The following TMEM230 variants were observed in gnomAD, a reference collection of about 807,000 sequenced individuals.
TMEM230 encodes transmembrane protein 230, also known as UPF0414 transmembrane protein C20orf30.
A neutral mutation model predicts 15.8 loss-of-function variants in TMEM230; 10 were observed. That is an observed-to-expected ratio of 0.63 (90% confidence interval 0.39 to 1.07). The LOEUF is 1.07. Ranked by LOEUF, TMEM230 falls within the 50% of genes least tolerant of loss-of-function variation. TMEM230 has a pLI of 0.01. For synonymous variants in TMEM230, 67 were observed against 76.9 expected, an observed-to-expected ratio of 0.87 and a Z score of 0.68; for missense variants, 165 against 193.3, an observed-to-expected ratio of 0.85 and a Z score of 0.87.
chr20:5,108,416 T>C, intron 3 of TMEM230, among the ~76,000 whole-genome samples: 2 of 125,956 alleles, frequency 1.6e-5, no homozygotes, highest in Non-Finnish European at 1.6e-5. Flanking sequence ...TAAAACTCCG[T>C]CTCCAAAAAA....
At chr20:5,111,073 T>C (rs1025464043) in intron 2 of TMEM230, 3 of 151,846 alleles carry the variant, frequency 2.0e-5, no homozygotes, top group South Asian at 2.1e-4. Flanking sequence ...TCCCAGCTAT[T>C]TGGAAGGCTG....
downstream of TMEM230, among the ~76,000 whole-genome samples, chr20:5,064,757 A>T (rs1307210154): frequency 6.6e-6 from 1 of 152,210 alleles, no homozygotes; most frequent in African/African-American, 2.4e-5. Flanking sequence ...AATTCAATGA[A>T]GGAAAAATAA....
intron 3 of TMEM230, among the ~76,000 whole-genome samples, chr20:5,088,526 G>A (rs1358148680): frequency 6.7e-6 from 1 of 149,686 alleles, no homozygotes; most frequent in African/African-American, 2.5e-5. Context: ...AAAGTGCTGG[G>A]ATTATAGGCA....
chr20:5,107,813 CAAA>C (rs374440749), intron 3 of TMEM230, among the ~76,000 whole-genome samples: 25 of 119,892 alleles, frequency 2.1e-4, no homozygotes, highest in Non-Finnish European at 2.3e-4. Flanking sequence ...GACCCTGTCT[CAAA>C]AAAAAAAAAA....
intron 1 of TMEM230, chr20:5,111,918 C>G: frequency 3.1e-6 from 1 of 325,634 alleles, no homozygotes; most frequent in Non-Finnish European, 4.4e-6. Flanking sequence ...CCGATCTCAG[C>G]TCACTGCAAC....
chr20:5,088,228 GA>G (rs1385323454), intron 3 of TMEM230, among the ~76,000 whole-genome samples: 1 of 148,306 alleles, frequency 6.7e-6, no homozygotes, highest in East Asian at 2.1e-4. Flanking sequence ...AGAATTGCTT[GA>G]ACCCGGGAGG....
intron 3 of TMEM230, among the ~76,000 whole-genome samples, chr20:5,087,683 A>G (rs2122633725): frequency 7.0e-6 from 1 of 141,994 alleles, no homozygotes; most frequent in East Asian, 2.4e-4. Flanking sequence ...TAAATAGGCC[A>G]AAGAAAGTAT....
intron 3 of TMEM230, among the ~76,000 whole-genome samples, chr20:5,081,088 T>C (rs115744821): frequency 1.7e-3 from 257 of 152,266 alleles, no homozygotes; most frequent in African/African-American, 5.8e-3. Context: ...TTCATGACAA[T>C]TGGAAATAAA....
In TMEM230 at chr20:5,100,686, C is replaced by T; in HGVS notation, c.*105G>A. ...AAAATCTGGCCATTATTTTCTTAAA[C>T]ATCTGCAAGCTGCAGAATTCCTTAG... On this transcript the variant is annotated 3_prime_UTR_variant, in exon 5 of 5. Coordinates refer to ENST00000342308, the MANE Select transcript of TMEM230 (RefSeq NM_001009923.2). 6.7e-7 allele frequency: 1 copy of T among 1,503,592 alleles called. No homozygotes were observed. Among genetic ancestry groups the T allele is most frequent in the Non-Finnish European group, 8.9e-7 (1 of 1,127,058 alleles). The allele number at this position is 1,503,592 out of a possible 1,614,324, so 93.1% of individuals were successfully genotyped here. A position where few individuals can be genotyped will look rare whatever the true frequency, so the allele number is the denominator to read the frequency against.
intron 4 of TMEM230, among the ~76,000 whole-genome samples, chr20:5,105,289 A>AATAT (rs1052432377): frequency 2.0e-5 from 3 of 151,724 alleles, no homozygotes; most frequent in Admixed American, 6.6e-5. Context: ...CTGTCTCCAA[A>AATAT]ATATATATAT....
chr20:5,066,998 A>G (rs1208796145), downstream of TMEM230, among the ~76,000 whole-genome samples: 1 of 152,078 alleles, frequency 6.6e-6, no homozygotes, highest in African/African-American at 2.4e-5. Flanking sequence ...GTAAAAGTAG[A>G]TTTCAGGTAT....
At chr20:5,112,415 C>T (rs961684796) in intron 1 of TMEM230, among the ~76,000 whole-genome samples, 2 of 152,202 alleles carry the variant, frequency 1.3e-5, no homozygotes, top group African/African-American at 4.8e-5. Context: ...GGCATTTAAC[C>T]ACATCTAACT....
At chr20:5,084,589 C>A (rs539854886) in intron 3 of TMEM230, among the ~76,000 whole-genome samples, 5 of 150,874 alleles carry the variant, frequency 3.3e-5, no homozygotes. Flanking sequence ...GGCTGGAGTG[C>A]AGTGGCGCAA....
At chr20:5,081,806 G>A (rs7260967) in intron 3 of TMEM230, among the ~76,000 whole-genome samples, 20,782 of 151,622 alleles carry the variant, frequency 0.14, 1,787 homozygotes, top group African/African-American at 0.24. Context: ...ATTATGACGA[G>A]GAGTAAATTT....
intron 3 of TMEM230, among the ~76,000 whole-genome samples, chr20:5,107,765 G>A (rs972642789): frequency 4.5e-4 from 67 of 150,084 alleles, no homozygotes; most frequent in Non-Finnish European, 7.4e-4. Flanking sequence ...AGTGAGTCTT[G>A]ATTGTGCCAC....
chr20:5,090,799 A>T (rs2089486546), intron 3 of TMEM230, among the ~76,000 whole-genome samples: 2 of 152,172 alleles, frequency 1.3e-5, no homozygotes. Context: ...ATGAAGGATG[A>T]CCAAAGAGCA....
At chr20:5,110,486 C>T (rs145913019) in intron 2 of TMEM230, among the ~76,000 whole-genome samples, 378 of 152,014 alleles carry the variant, frequency 2.5e-3, no homozygotes, top group African/African-American at 8.3e-3. Context: ...GGTTTTACCA[C>T]GTTGGCCAGG....
the TMEM230 span, among the ~76,000 whole-genome samples, chr20:5,063,193 C>T: frequency 0.015 from 2,243 of 151,556 alleles, 68 homozygotes; most frequent in African/African-American, 0.051. Flanking sequence ...TTAAGAAGGC[C>T]CCAGAGGACC....
intron 4 of TMEM230, among the ~76,000 whole-genome samples, chr20:5,103,111 C>A (rs184017906): frequency 6.6e-6 from 1 of 152,102 alleles, no homozygotes; most frequent in Non-Finnish European, 1.5e-5. Context: ...CGCCTGTAAT[C>A]CCAGTACTTT....
Sources: gnomAD v4.1 joint callset for allele counts (sites outside exome capture counted in the v4.1 genomes callset) on GRCh38, gnomAD v4.1.1 for gene constraint, MANE v1.5 for transcripts, NCBI Gene and HGNC (gene_info 2026-07-23, HGNC 2026-07-21) for gene names.